Variants in IQCM observed in about 807,000 individuals in gnomAD.
IQCM encodes IQ motif containing M.
Under a neutral mutation model 57.6 loss-of-function variants are expected in IQCM, and 45 were observed. The ratio of observed to expected loss-of-function variants is 0.78; its 90% CI spans 0.62 to 1.00. The LOEUF (loss-of-function observed/expected upper bound fraction) is 1.00. Among genes scored for constraint, IQCM ranks in the 50% least tolerant of loss-of-function variants. The pLI, the probability that IQCM is intolerant of heterozygous loss-of-function variation, is 0.00. For synonymous variants in IQCM, 148 were observed against 158.9 expected (o/e 0.93, Z 0.51); for missense variants, 468 against 511.6 (o/e 0.91, Z 0.82).
chr4:149,531,018 A>G (rs893471567), intron 12 of IQCM, among the ~76,000 whole-genome samples: 8 of 152,124 alleles, frequency 5.3e-5, no homozygotes, highest in African/African-American at 9.7e-5. Context: ...TGTTTTGGAA[A>G]TACTTTTAAG....
chr4:149,733,213 G>A (rs1766624694), intron 5 of IQCM, 31 bp downstream of exon 5: 2 of 1,230,044 alleles, frequency 1.6e-6, no homozygotes, highest in African/African-American at 1.6e-5. Context: ...CCGTGAGTTT[G>A]CTGAATTTCT....
chr4:149,392,358 T>C (rs1731922496), intron 13 of IQCM, among the ~76,000 whole-genome samples: 1 of 152,012 alleles, frequency 6.6e-6, no homozygotes, highest in African/African-American at 2.4e-5. Context: ...CCAGTGGTGA[T>C]TTGTTAATCT....
At chr4:149,529,964 C>T (rs944089065) in intron 12 of IQCM, among the ~76,000 whole-genome samples, 4 of 152,190 alleles carry the variant, frequency 2.6e-5, no homozygotes, top group Non-Finnish European at 5.9e-5. Flanking sequence ...CCTTTCACCA[C>T]CTGCCTTGAT....
At chr4:149,725,824 T>A (rs1025513503) in intron 5 of IQCM, among the ~76,000 whole-genome samples, 7 of 152,074 alleles carry the variant, frequency 4.6e-5, no homozygotes, top group African/African-American at 7.2e-5. Context: ...GCTCCCAAAC[T>A]CTTCATTTGC....
At chr4:149,518,647 G>A (rs1263888709) in intron 12 of IQCM, among the ~76,000 whole-genome samples, 5 of 152,162 alleles carry the variant, frequency 3.3e-5, no homozygotes, top group African/African-American at 1.2e-4. Context: ...TTAAAAACTT[G>A]ACAACTAATT....
At chr4:149,537,420 G>C (rs1747405957) in intron 12 of IQCM, among the ~76,000 whole-genome samples, 1 of 151,750 alleles carries the variant, frequency 6.6e-6, no homozygotes, top group Non-Finnish European at 1.5e-5. Context: ...TATCCAATTT[G>C]AACAACCAAA....
rs532973180 is a variant in IQCM, at chr4:149,533,484, T to C, written c.1228+14971A>G. Among the ~76,000 whole-genome samples the C allele has an allele frequency of 2.0e-5, 3 of 152,206 alleles. No individual in the cohort carries two copies. In the East Asian group the frequency reaches 5.8e-4, roughly 29 times the overall value. Reference sequence around the variant, plus strand: ...ACAAAAGAAAACTTAAGTAAGTAGATAGCCTATTTGTATTGGACTGTTCTC... The same window carrying C: ...ACAAAAGAAAACTTAAGTAAGTAGACAGCCTATTTGTATTGGACTGTTCTC... On this transcript the variant is annotated intron_variant, in intron 12 of 13. Coordinates refer to ENST00000636793, the MANE Select transcript of IQCM (RefSeq NM_001363507.2).
At chr4:149,479,164 A>C (rs1393015134) in intron 12 of IQCM, among the ~76,000 whole-genome samples, 2 of 152,216 alleles carry the variant, frequency 1.3e-5, no homozygotes, top group Non-Finnish European at 2.9e-5. Flanking sequence ...ACAGTAATTC[A>C]TATTTGAATA....
At chr4:149,532,071 C>T (rs1409556778) in intron 12 of IQCM, among the ~76,000 whole-genome samples, 1 of 152,040 alleles carries the variant, frequency 6.6e-6, no homozygotes, top group Non-Finnish European at 1.5e-5. Flanking sequence ...CCAGCTTTCA[C>T]TTTTGTTGGG....
intron 12 of IQCM, among the ~76,000 whole-genome samples, chr4:149,534,623 C>A (rs1747097670): frequency 6.6e-6 from 1 of 151,958 alleles, no homozygotes; most frequent in Non-Finnish European, 1.5e-5. Flanking sequence ...AAAAACTCAA[C>A]AGTTTTATGG....
chr4:149,551,797 TCTCA>T (rs1749059191), intron 11 of IQCM, among the ~76,000 whole-genome samples: 4 of 152,296 alleles, frequency 2.6e-5, no homozygotes, highest in African/African-American at 9.6e-5. Context: ...AAAATCTGAC[TCTCA>T]CTCTCTCTCT....
At chr4:149,527,100 T>A (rs1352341618) in intron 12 of IQCM, among the ~76,000 whole-genome samples, 2 of 152,172 alleles carry the variant, frequency 1.3e-5, no homozygotes, top group African/African-American at 4.8e-5. Context: ...CATATCAACT[T>A]GCTATAAAAA....
At chr4:149,539,717 T>C (rs1298207346) in intron 12 of IQCM, among the ~76,000 whole-genome samples, 1 of 151,836 alleles carries the variant, frequency 6.6e-6, no homozygotes, top group Non-Finnish European at 1.5e-5. Context: ...TACAAAAATC[T>C]AGCTGGGCAT....
intron 5 of IQCM, among the ~76,000 whole-genome samples, chr4:149,715,560 C>A (rs1007727539): frequency 1.3e-5 from 2 of 152,172 alleles, no homozygotes; most frequent in African/African-American, 4.8e-5. Flanking sequence ...CTCTCCTTCT[C>A]ATGGCCTGCA....
intron 2 of IQCM, among the ~76,000 whole-genome samples, chr4:149,814,942 A>G (rs896042788): frequency 3.3e-5 from 5 of 152,028 alleles, no homozygotes; most frequent in African/African-American, 1.2e-4. Flanking sequence ...CTAAAAATCT[A>G]TATGTAAAAG....
Position 149,523,285 on chromosome 4 carries a change from T to C in IQCM, c.1228+25170A>G, listed in dbSNP as rs79913197. On this transcript the variant is annotated intron_variant, in intron 12 of 13. Coordinates refer to ENST00000636793, the MANE Select transcript of IQCM (RefSeq NM_001363507.2). ...GGATTAGGGTTACAGCATACAAATT[T>C]TGGGGAAATACATTCAGTCCATAGC... Among the ~76,000 whole-genome samples, 561 of 152,080 alleles carry C rather than the reference T, an allele frequency of 3.7e-3. 6 individuals are homozygous for C. The highest frequency in any genetic ancestry group is 0.033 in the East Asian group (170 of 5,170).
intron 13 of IQCM, among the ~76,000 whole-genome samples, chr4:149,375,009 T>TGTGTGA (rs55772693): frequency 0.087 from 13,184 of 150,926 alleles, 657 homozygotes; most frequent in East Asian, 0.19. Context: ...TGTGTGTGTG[T>TGTGTGA]GATGTTCTTT....
At chr4:149,761,840 T>C (rs772435697) in intron 2 of IQCM, among the ~76,000 whole-genome samples, 8 of 152,106 alleles carry the variant, frequency 5.3e-5, no homozygotes, top group Non-Finnish European at 1.0e-4. Context: ...TACTGACTTC[T>C]TGTATGATAT....
intron 12 of IQCM, among the ~76,000 whole-genome samples, chr4:149,434,841 C>T (rs1735196136): frequency 6.6e-6 from 1 of 152,010 alleles, no homozygotes; most frequent in African/African-American, 2.4e-5. Context: ...GAGGGCACTC[C>T]CCTCCTCCCA....
Sources: gnomAD v4.1 joint callset for allele counts (sites outside exome capture counted in the v4.1 genomes callset) on GRCh38, gnomAD v4.1.1 for gene constraint, MANE v1.5 for transcripts, NCBI Gene and HGNC (gene_info 2026-07-23, HGNC 2026-07-21) for gene names.